Variants in EP400 observed in about 807,000 individuals in gnomAD.
EP400 encodes E1A-binding protein p400.
A neutral mutation model predicts 354.1 loss-of-function variants in EP400; 105 were observed. The ratio of observed to expected loss-of-function variants is 0.30; its 90% confidence interval spans 0.25 to 0.35. The LOEUF (loss-of-function observed/expected upper bound fraction) is 0.35. Ranked by LOEUF, EP400 falls within the 10% of genes least tolerant of loss-of-function variation. The pLI, the probability that EP400 is intolerant of heterozygous loss-of-function variation, is 1.00. For synonymous variants in EP400, 1,646 were observed against 1,716.9 expected (o/e 0.96, Z 1.02); for missense variants, 3,280 against 4,121.0 (o/e 0.80, Z 5.59).
intron 32 of EP400, among the ~76,000 whole-genome samples, chr12:132,042,836 C>T (rs534640285): frequency 7.9e-5 from 12 of 152,328 alleles, no homozygotes; most frequent in South Asian, 4.1e-4. Context: ...TGCTACATTT[C>T]GCGGTGGACT....
intron 48 of EP400, chr12:132,065,101 C>A: frequency 1.2e-6 from 1 of 863,904 alleles, no homozygotes; most frequent in Non-Finnish European, 1.7e-6. Flanking sequence ...CCAGGCATCA[C>A]CAAGCTTCTC....
At chr12:131,953,159 AGT>A (rs1351905297) in intron 1 of EP400, among the ~76,000 whole-genome samples, 7 of 152,202 alleles carry the variant, frequency 4.6e-5, no homozygotes, top group African/African-American at 7.2e-5. Flanking sequence ...ACAGATGTAC[AGT>A]GTGGTATATC....
Position 132,032,138 on chromosome 12 carries a change from C to A in EP400, c.5940C>A (p.Ile1980=). The A allele has an allele frequency of 6.2e-7, 1 of 1,613,098 alleles. No homozygotes were observed. Among genetic ancestry groups the A allele is most frequent in the Non-Finnish European group, 8.5e-7 (1 of 1,179,458 alleles). ...WCDRIGRCKD[I]HIYRLVSGNS... is the part of the protein sequence containing the mutation. ...ATAGGATCGGGAGATGCAAAGACAT[C>A]CACATATACAGGTGAGGGCCTGCGG... Residue 1980 remains isoleucine, a synonymous_variant, in exon 30 of 53, where the codon ATC becomes ATA. Coordinates refer to ENST00000389561, the MANE Select transcript of EP400 (RefSeq NM_015409.5).
rs1265355584 is a variant in EP400, at chr12:132,054,392, C to G, written c.7729-582C>G. ...GATCTTTGTGAATACTTACTTGGTG[C>G]AAGGTGGGCAAGATGGGCAGTGCCC... On this transcript the variant is annotated intron_variant, in intron 43 of 52. Coordinates refer to ENST00000389561, the MANE Select transcript of EP400 (RefSeq NM_015409.5). This position sits in a 1 kb window ranked among gnomAD's most constrained non-coding sequence, Gnocchi z 4.0. 1.3e-5 allele frequency among the ~76,000 whole-genome samples: 2 copies of G among 152,204 alleles called. No homozygotes were observed. Among genetic ancestry groups the G allele is most frequent in the Admixed American group, 1.3e-4 (2 of 15,290 alleles).
At chr12:132,042,679 C>T (rs1297566046) in intron 32 of EP400, among the ~76,000 whole-genome samples, 1 of 152,212 alleles carries the variant, frequency 6.6e-6, no homozygotes, top group Non-Finnish European at 1.5e-5. Context: ...AACCATACCT[C>T]CATGTCAGAT....
intron 10 of EP400, among the ~76,000 whole-genome samples, chr12:131,991,747 A>AT (rs34586080): frequency 0.012 from 1,726 of 144,654 alleles, 41 homozygotes; most frequent in South Asian, 0.098. Flanking sequence ...CACCTGGCTA[A>AT]TTTTTTTTTT....
chr12:132,024,025 G>T, intron 24 of EP400, 84 bp downstream of exon 24: 2 of 1,355,052 alleles, frequency 1.5e-6, no homozygotes, highest in Non-Finnish European at 9.7e-7. Context: ...GGCCTGCCTT[G>T]TGCATTTAAG....
At chr12:132,026,730 C>T (rs1250792669) in intron 25 of EP400, among the ~76,000 whole-genome samples, 4 of 152,188 alleles carry the variant, frequency 2.6e-5, no homozygotes, top group Non-Finnish European at 4.4e-5. Flanking sequence ...CCCTGAGGGT[C>T]TGAGCTCAGA....
Position 132,038,171 on chromosome 12 carries a change from T to G in EP400, c.6207+75T>G. The G allele has an allele frequency of 1.3e-6, 2 of 1,579,308 alleles. No homozygotes were observed. The highest frequency in any genetic ancestry group is 1.7e-6 in the Non-Finnish European group (2 of 1,158,272). On this transcript the variant is annotated intron_variant, in intron 32 of 52. Transcript: ENST00000389561. This position sits in a 1 kb window ranked among gnomAD's most constrained non-coding sequence, Gnocchi z 4.2. ...GAACACCTGCACCCTCCCCCAGGGT[T>G]CTGGGTGCTCAGTCCCCACTCTTCC...
At chr12:132,016,834 C>T (rs1322530163) in intron 19 of EP400, among the ~76,000 whole-genome samples, 2 of 152,198 alleles carry the variant, frequency 1.3e-5, no homozygotes, top group Non-Finnish European at 1.5e-5. Context: ...GCGCCACCAT[C>T]GACCAAGTTG....
intron 12 of EP400, among the ~76,000 whole-genome samples, chr12:132,002,110 G>A (rs1004439686): frequency 4.6e-5 from 7 of 152,122 alleles, no homozygotes; most frequent in African/African-American, 1.7e-4. Context: ...TCTGATCTGT[G>A]TTCTTTTGTA....
At chr12:132,004,368 C>T (rs1893513047) in intron 12 of EP400, among the ~76,000 whole-genome samples, 1 of 152,020 alleles carries the variant, frequency 6.6e-6, no homozygotes, top group Non-Finnish European at 1.5e-5. Flanking sequence ...CCTTTGCCCA[C>T]TGTTATTGGG....
intron 51 of EP400, among the ~76,000 whole-genome samples, chr12:132,069,960 T>C (rs778961616): frequency 1.3e-5 from 2 of 151,992 alleles, no homozygotes; most frequent in African/African-American, 4.8e-5. Context: ...AAAAATATAT[T>C]TTATTTTATT....
chr12:131,954,726 G>GAAAAAAAAAAAAAAAAA, intron 1 of EP400, among the ~76,000 whole-genome samples: 1 of 83,738 alleles, frequency 1.2e-5, no homozygotes. Context: ...CTCCATCTCA[G>GAAAAAAAAAAAAAAAAA]AAAAAAAAAA....
intron 47 of EP400, among the ~76,000 whole-genome samples, chr12:132,064,095 C>T (rs1478435291): frequency 2.0e-5 from 3 of 150,308 alleles, no homozygotes; most frequent in Non-Finnish European, 4.4e-5. Flanking sequence ...GACCCCCCGG[C>T]CTACAGCCAC....
chr12:131,952,302 C>CAAAAA (rs927214848), intron 1 of EP400, among the ~76,000 whole-genome samples: 10 of 47,008 alleles, frequency 2.1e-4, no homozygotes, highest in African/African-American at 2.7e-4. Context: ...GACTCTGTCT[C>CAAAAA]AAAAAAAAAA....
At chr12:132,042,607 G>A (rs1241811439) in intron 32 of EP400, among the ~76,000 whole-genome samples, 1 of 152,172 alleles carries the variant, frequency 6.6e-6, no homozygotes, top group South Asian at 2.1e-4. Flanking sequence ...CACTTTGAGG[G>A]TTTTGCCAGA....
chr12:131,970,907 A>G (rs1013320871), intron 2 of EP400, among the ~76,000 whole-genome samples: 9 of 152,192 alleles, frequency 5.9e-5, no homozygotes, highest in African/African-American at 1.9e-4. Context: ...ATACAGTGCA[A>G]TATTATTAAT....
chr12:131,982,874 G>A (rs1350796727), intron 5 of EP400, among the ~76,000 whole-genome samples: 1 of 151,826 alleles, frequency 6.6e-6, no homozygotes, highest in African/African-American at 2.4e-5. Flanking sequence ...AAAGGCTTAG[G>A]CAGGAGAATC....
Sources: allele counts gnomAD v4.1 joint callset (sites outside exome capture counted in the v4.1 genomes callset), GRCh38; gene constraint gnomAD v4.1.1; non-coding constraint Gnocchi (gnomAD v3.1); transcripts MANE v1.5; gene names NCBI Gene and HGNC (gene_info 2026-07-23, HGNC 2026-07-21).